ZFHX3: variants seen among roughly 807,000 people sequenced by gnomAD.
ZFHX3 encodes zinc finger homeobox protein 3.
A neutral mutation model predicts 279.1 loss-of-function variants in ZFHX3; 42 were observed. The observed-to-expected ratio is 0.15, with a 90% CI of 0.12 to 0.19. The LOEUF (loss-of-function observed/expected upper bound fraction) is 0.19, where lower values mean the gene tolerates loss of function less well. Ranked by LOEUF, ZFHX3 falls within the 10% of genes least tolerant of loss-of-function variation. The pLI is 1.00. For synonymous variants in ZFHX3, 2,293 were observed against 1,957.8 expected (o/e 1.17, Z -4.52); for missense variants, 4,981 against 4,754.0 (o/e 1.05, Z -1.40).
chr16:73,850,492 G>A (rs775454578), intron 1 of ZFHX3, among the ~76,000 whole-genome samples: 3 of 152,150 alleles, frequency 2.0e-5, no homozygotes, highest in Admixed American at 6.5e-5. Context: ...TTGAGCACAC[G>A]AGTTACTGAA....
At chr16:73,879,749 C>T (rs997322706) in intron 1 of ZFHX3, among the ~76,000 whole-genome samples, 4 of 152,060 alleles carry the variant, frequency 2.6e-5, no homozygotes, top group African/African-American at 9.7e-5. Flanking sequence ...ACAGTGTTGA[C>T]ATTTGGGGCC....
At chr16:73,664,132 T>C (rs902520157) in intron 2 of ZFHX3, among the ~76,000 whole-genome samples, 3 of 152,224 alleles carry the variant, frequency 2.0e-5, no homozygotes, top group African/African-American at 7.2e-5. Context: ...GAAAACTCTT[T>C]TGCAAGTCAG....
intron 4 of ZFHX3, among the ~76,000 whole-genome samples, chr16:73,279,784 CAG>C (rs1016454866): frequency 6.6e-6 from 1 of 152,196 alleles, no homozygotes; most frequent in Non-Finnish European, 1.5e-5. Context: ...TCTCTCAGAA[CAG>C]AGTCTTGCAA....
At chr16:73,487,385 T>A (rs1381071929) in intron 2 of ZFHX3, 1 of 409,178 alleles carries the variant, frequency 2.4e-6, no homozygotes. Flanking sequence ...GTCCAATAAA[T>A]CACACCTCTC....
At chr16:73,306,085 G>A (rs1472368793) in intron 4 of ZFHX3, among the ~76,000 whole-genome samples, 1 of 152,146 alleles carries the variant, frequency 6.6e-6, no homozygotes, top group Non-Finnish European at 1.5e-5. Context: ...CACACATTAA[G>A]GAATGAGGTT....
chr16:73,697,330 A>G (rs1369275933), intron 1 of ZFHX3, among the ~76,000 whole-genome samples: 1 of 152,226 alleles, frequency 6.6e-6, no homozygotes, highest in Non-Finnish European at 1.5e-5. Flanking sequence ...TTTGAAAATA[A>G]AGAGTTTTGT....
At chr16:73,435,659 T>G (rs757473715) in intron 3 of ZFHX3, among the ~76,000 whole-genome samples, 4 of 152,216 alleles carry the variant, frequency 2.6e-5, no homozygotes, top group Non-Finnish European at 5.9e-5. Flanking sequence ...CTGCCCGGGA[T>G]GAGCAGCTCT....
chr16:73,187,485 C>T (rs181518012), intron 5 of ZFHX3, among the ~76,000 whole-genome samples: 2 of 152,148 alleles, frequency 1.3e-5, no homozygotes, highest in South Asian at 2.1e-4. Flanking sequence ...ACTGCAATGC[C>T]GAGATGAGAT....
intron 7 of ZFHX3, among the ~76,000 whole-genome samples, chr16:73,117,038 A>G (rs1567392673): frequency 6.6e-6 from 1 of 152,246 alleles, no homozygotes; most frequent in African/African-American, 2.4e-5. Flanking sequence ...TATTTCCTAC[A>G]AAGCAAAGGC....
chr16:73,732,179 G>A (rs1023840147), intron 1 of ZFHX3, among the ~76,000 whole-genome samples: 1 of 152,076 alleles, frequency 6.6e-6, no homozygotes, highest in African/African-American at 2.4e-5. Flanking sequence ...CAAACCAAAT[G>A]GGATTATCTC....
intron 5 of ZFHX3, among the ~76,000 whole-genome samples, chr16:73,171,037 T>G (rs1967509598): frequency 6.6e-6 from 1 of 152,206 alleles, no homozygotes; most frequent in African/African-American, 2.4e-5. Context: ...TAATTAAAAT[T>G]TAATCTGCTA....
intron 1 of ZFHX3, among the ~76,000 whole-genome samples, chr16:73,720,866 A>G (rs895430279): frequency 3.9e-5 from 6 of 152,234 alleles, no homozygotes; most frequent in African/African-American, 1.4e-4. Context: ...CTTGTTCAGA[A>G]AAGAACAGAT....
At chr16:73,603,628 CATT>C (rs1275212033) in intron 2 of ZFHX3, among the ~76,000 whole-genome samples, 2 of 151,980 alleles carry the variant, frequency 1.3e-5, no homozygotes, top group Non-Finnish European at 2.9e-5. Flanking sequence ...TTCAAAATAA[CATT>C]ATTTATTATA....
intron 5 of ZFHX3, among the ~76,000 whole-genome samples, chr16:73,229,888 G>C (rs1242735913): frequency 1.3e-5 from 2 of 152,154 alleles, no homozygotes; most frequent in Non-Finnish European, 2.9e-5. Flanking sequence ...ATTCTGCTAA[G>C]ATTACAGCTA....
intron 7 of ZFHX3, among the ~76,000 whole-genome samples, chr16:72,803,267 G>GGTTGCAGTGAGCTGAGATTGCGCC (rs1354162749): frequency 7.9e-5 from 12 of 152,180 alleles, no homozygotes; most frequent in African/African-American, 1.4e-4. Context: ...GGGAGGCAGA[G>GGTTGCAGTGAGCTGAGATTGCGCC]GTTGCAGTGA....
At chr16:73,772,546 C>T (rs908184478) in intron 1 of ZFHX3, among the ~76,000 whole-genome samples, 11 of 152,190 alleles carry the variant, frequency 7.2e-5, no homozygotes, top group African/African-American at 2.7e-4. Flanking sequence ...GTGCATACCT[C>T]GTTTGGGTGG....
intron 1 of ZFHX3, among the ~76,000 whole-genome samples, chr16:73,753,421 C>T (rs749395571): frequency 1.1e-4 from 17 of 152,290 alleles, no homozygotes; most frequent in South Asian, 4.1e-4. Context: ...CCCTTTGCCA[C>T]GGCGATTACC....
At chr16:73,188,712 T>A (rs1967966683) in intron 5 of ZFHX3, among the ~76,000 whole-genome samples, 1 of 152,178 alleles carries the variant, frequency 6.6e-6, no homozygotes, top group South Asian at 2.1e-4. Context: ...CTTTGTTGAC[T>A]GGTGACCAAA....
rs540335920 is a variant in ZFHX3, at chr16:72,911,530, A to G, written c.3217-21568T>C. 9.2e-5 allele frequency among the ~76,000 whole-genome samples: 14 copies of G among 152,320 alleles called. No individual in the cohort carries two copies. In the South Asian group the frequency reaches 1.0e-3, roughly 11 times the overall value. ...AGTTTACCTTCTCGGTCAGAGAAACAACGTGTCGGGGAAGGTTTGGAAACG... is the reference window on the plus strand; with the variant it reads ...AGTTTACCTTCTCGGTCAGAGAAACGACGTGTCGGGGAAGGTTTGGAAACG... On this transcript the variant is annotated intron_variant, in intron 3 of 9. Coordinates refer to ENST00000268489, the MANE Select transcript of ZFHX3 (RefSeq NM_006885.4).
Sources: allele counts gnomAD v4.1 joint callset (sites outside exome capture counted in the v4.1 genomes callset), GRCh38; gene constraint gnomAD v4.1.1; transcripts MANE v1.5; gene names NCBI Gene and HGNC (gene_info 2026-07-23, HGNC 2026-07-21).